Variants in TNFAIP8 observed in about 807,000 individuals in gnomAD.
TNFAIP8 encodes the protein tumor necrosis factor alpha-induced protein 8.
Under a neutral mutation model 13.3 loss-of-function variants are expected in TNFAIP8, and 7 were observed. The ratio of observed to expected loss-of-function variants is 0.52; its 90% CI spans 0.30 to 0.99. TNFAIP8 has a LOEUF of 0.99. TNFAIP8 is among the 50% of genes least tolerant of loss of function. TNFAIP8 has a pLI of 0.07. For synonymous variants in TNFAIP8, 94 were observed against 87.6 expected (o/e 1.07, Z -0.41); for missense variants, 258 against 236.9 (o/e 1.09, Z -0.58).
At chr5:119,316,907 A>C (rs1247889100) in intron 1 of TNFAIP8, among the ~76,000 whole-genome samples, 3 of 152,182 alleles carry the variant, frequency 2.0e-5, no homozygotes, top group Non-Finnish European at 4.4e-5. Flanking sequence ...AGATGCTTCA[A>C]AGCATCCCAC....
intron 1 of TNFAIP8, among the ~76,000 whole-genome samples, chr5:119,295,246 GTTTAGTCTAACGTTAGACCTATAGGTC>G: frequency 8.5e-6 from 1 of 117,154 alleles, no homozygotes; most frequent in African/African-American, 4.2e-5. Context: ...TAGGTCTAAC[GTTTAGTCTAACGTTAGACCTATAGGTC>G]TAACGTTTAA....
intron 1 of TNFAIP8, among the ~76,000 whole-genome samples, chr5:119,366,529 T>C (rs891517626): frequency 2.0e-5 from 3 of 152,134 alleles, no homozygotes; most frequent in Non-Finnish European, 4.4e-5. Flanking sequence ...AATGATTTCC[T>C]CAAAAAAGCT....
At chr5:119,344,711 T>C (rs561108106) in intron 1 of TNFAIP8, among the ~76,000 whole-genome samples, 2 of 151,940 alleles carry the variant, frequency 1.3e-5, no homozygotes, top group African/African-American at 2.4e-5. Flanking sequence ...GCTGCAGGAA[T>C]GGAGAGAAAA....
At chr5:119,351,778 T>C (rs984038169), upstream of TNFAIP8, among the ~76,000 whole-genome samples, 2 of 141,394 alleles carry the variant, frequency 1.4e-5, no homozygotes, top group Non-Finnish European at 3.0e-5. Flanking sequence ...CTTTTCTTTC[T>C]TTTCTTTTTC....
At chr5:119,381,279 G>A (rs138698838) in intron 1 of TNFAIP8, among the ~76,000 whole-genome samples, 39 of 152,278 alleles carry the variant, frequency 2.6e-4, no homozygotes, top group Non-Finnish European at 3.2e-4. Flanking sequence ...CGTGGTTCAC[G>A]CTTGTAATCC....
chr5:119,283,606 G>A (rs186568131), intron 1 of TNFAIP8, among the ~76,000 whole-genome samples: 1 of 152,178 alleles, frequency 6.6e-6, no homozygotes, highest in African/African-American at 2.4e-5. Context: ...TAAGAGAGTC[G>A]GTGATATGGA....
intron 1 of TNFAIP8, among the ~76,000 whole-genome samples, chr5:119,311,129 C>T (rs1040138268): frequency 6.6e-6 from 1 of 152,046 alleles, no homozygotes; most frequent in Non-Finnish European, 1.5e-5. Flanking sequence ...CTTGAGCGAT[C>T]CTCCCACTTC....
intron 1 of TNFAIP8, among the ~76,000 whole-genome samples, chr5:119,281,471 G>T (rs1289737509): frequency 1.3e-5 from 2 of 152,008 alleles, no homozygotes; most frequent in African/African-American, 4.8e-5. Context: ...TTAGAATCCT[G>T]GTTTTTTGGT....
rs530434624 is a variant in TNFAIP8, at chr5:119,275,955, A to G, written c.1+7048A>G. ...TTGCTGCCCTGGAGTTGAGCACACCAGGGCCTTTCAGCCTTACCATTAGGG... is the reference window on the plus strand; with the variant it reads ...TTGCTGCCCTGGAGTTGAGCACACCGGGGCCTTTCAGCCTTACCATTAGGG... On this transcript the variant is annotated intron_variant, in intron 1 of 1. Coordinates refer to the TNFAIP8 transcript ENST00000274456. Among the ~76,000 whole-genome samples the G allele has an allele frequency of 8.3e-4, 127 of 152,196 alleles. No individual in the cohort carries two copies. The South Asian group carries it at 0.015, about 18-fold the overall frequency.
At chr5:119,333,685 C>A in intron 1 of TNFAIP8, 1 of 1,389,540 alleles carries the variant, frequency 7.2e-7, no homozygotes, top group Non-Finnish European at 9.9e-7. Context: ...TTGTTGAAAT[C>A]TGGTAAAATG....
chr5:119,270,077 A>G (rs1016778125), intron 1 of TNFAIP8, among the ~76,000 whole-genome samples: 2 of 152,250 alleles, frequency 1.3e-5, no homozygotes, highest in Admixed American at 6.5e-5. Flanking sequence ...CATTCTGAGT[A>G]GAAATTATTC....
chr5:119,363,429 T>C (rs1751706749), intron 1 of TNFAIP8, among the ~76,000 whole-genome samples: 1 of 152,212 alleles, frequency 6.6e-6, no homozygotes, highest in African/African-American at 2.4e-5. Context: ...GCCGTCTCCA[T>C]TTCTGCATGC....
rs887257986 is a variant in TNFAIP8, at chr5:119,396,304, G to C, written c.*2923G>C. On this transcript the variant is annotated 3_prime_UTR_variant, in exon 2 of 2. Coordinates refer to ENST00000504771, the MANE Select transcript of TNFAIP8 (RefSeq NM_014350.4). ...GGTCTGGCCTGTTCTCTAAAGATCTGTGTAGATGTTGTACAAAGACATTTT... is the reference window on the plus strand; with the variant it reads ...GGTCTGGCCTGTTCTCTAAAGATCTCTGTAGATGTTGTACAAAGACATTTT... 2 of 152,218 alleles carry C rather than the reference G, an allele frequency of 1.3e-5. No individual in the cohort carries two copies. Among genetic ancestry groups the C allele is most frequent in the African/African-American group, 4.8e-5 (2 of 41,454 alleles). The allele number at this position is 152,218 out of a possible 1,614,324, so 9.4% of individuals were successfully genotyped here.
Position 119,396,285 on chromosome 5 carries a change from G to A in TNFAIP8, c.*2904G>A, listed in dbSNP as rs1753070155. The stretch of plus-strand genomic sequence containing the variant: ...CAGTACCTAAGTCAGCACAGGTCTG[G>A]CCTGTTCTCTAAAGATCTGTGTAGA... On this transcript the variant is annotated 3_prime_UTR_variant, in exon 2 of 2. Transcript: ENST00000504771. The A allele has an allele frequency of 6.6e-6, 1 of 152,204 alleles. No individual in the cohort carries two copies. The highest frequency in any genetic ancestry group is 6.5e-5 in the Admixed American group (1 of 15,274). 9.4% of individuals were successfully genotyped at this position (152,204 alleles called of 1,614,324 possible). A position where few individuals can be genotyped will look rare whatever the true frequency, so the allele number is the denominator to read the frequency against.
At chr5:119,314,762 A>ATG (rs1446482642) in intron 1 of TNFAIP8, among the ~76,000 whole-genome samples, 1 of 152,228 alleles carries the variant, frequency 6.6e-6, no homozygotes, top group Non-Finnish European at 1.5e-5. Context: ...AGCCTCAATT[A>ATG]CTTTATCTAT....
intron 1 of TNFAIP8, among the ~76,000 whole-genome samples, chr5:119,273,359 AC>A (rs1748346077): frequency 6.6e-6 from 1 of 152,246 alleles, no homozygotes; most frequent in Non-Finnish European, 1.5e-5. Context: ...GAAAGTAGTA[AC>A]TTGTGTCATA....
At chr5:119,332,951 C>T (rs935733494) in intron 1 of TNFAIP8, among the ~76,000 whole-genome samples, 1 of 152,142 alleles carries the variant, frequency 6.6e-6, no homozygotes, top group Non-Finnish European at 1.5e-5. Flanking sequence ...CAACATTGTC[C>T]AAACTCTATT....
intron 1 of TNFAIP8, among the ~76,000 whole-genome samples, chr5:119,317,549 A>T (rs184728193): frequency 1.2e-3 from 186 of 149,540 alleles, no homozygotes; most frequent in African/African-American, 4.4e-3. Flanking sequence ...GGTTATATTG[A>T]CCTATATTTA....
intron 1 of TNFAIP8, among the ~76,000 whole-genome samples, chr5:119,372,988 T>A (rs1752144973): frequency 6.6e-6 from 1 of 152,160 alleles, no homozygotes; most frequent in Non-Finnish European, 1.5e-5. Context: ...ATAATAAAGT[T>A]ATGTTAGTTA....
Sources: allele counts gnomAD v4.1 joint callset (sites outside exome capture counted in the v4.1 genomes callset), GRCh38; gene constraint gnomAD v4.1.1; transcripts MANE v1.5; gene names NCBI Gene and HGNC (gene_info 2026-07-23, HGNC 2026-07-21).